KIAA1671: variants seen among roughly 807,000 people sequenced by gnomAD.
KIAA1671 encodes the protein KIAA1671.
KIAA1671 carries 52 observed loss-of-function variants against 131.2 expected under a neutral mutation model. That is an observed-to-expected ratio of 0.40 (90% CI 0.32 to 0.50). The LOEUF (loss-of-function observed/expected upper bound fraction) is 0.50. KIAA1671 is among the 20% of genes least tolerant of loss of function. KIAA1671 has a pLI of 0.73. For missense variants in KIAA1671, 2,360 were observed against 2,364.2 expected (o/e 1.00, Z 0.04); for synonymous variants, 1,003 against 961.6 (o/e 1.04, Z -0.80).
chr22:25,174,446 A>G lies in KIAA1671; in HGVS notation c.4856A>G (p.Asp1619Gly). The change falls in exon 8 of 13, where the codon GAC (aspartate) becomes GGC (glycine). Residue 1619 changes from aspartate to glycine, a missense_variant. Coordinates refer to ENST00000358431, the MANE Select transcript of KIAA1671 (RefSeq NM_001145206.2). The stretch of plus-strand genomic sequence containing the variant: ...GGGATGGAGGGGCCGCCTCCACCGG[A>G]CGCCTGCCCTGAAAAGAGAGTAGAT... The part of the protein sequence containing the change: ...TDGMEGPPPP[D>G]ACPEKRVDDF... 1 of 1,545,218 alleles carries G rather than the reference A, an allele frequency of 6.5e-7. No homozygotes were observed. The highest frequency in any genetic ancestry group is 1.4e-5 in the African/African-American group (1 of 73,012).
chr22:25,147,630 G>A lies in KIAA1671; in HGVS notation c.4531-23190G>A, dbSNP rs143203216. ...TGCTCAAATGTTACCTTTTCACAGGGACTTCCCCTGACAGCCAGCCCTATT... is the reference window on the plus strand; with the variant it reads ...TGCTCAAATGTTACCTTTTCACAGGAACTTCCCCTGACAGCCAGCCCTATT... On this transcript the variant is annotated intron_variant, in intron 6 of 12. Transcript: ENST00000358431. 4.6e-5 allele frequency among the ~76,000 whole-genome samples: 7 copies of A among 152,190 alleles called. No individual in the cohort carries two copies. The East Asian group carries it at 1.4e-3, about 30-fold the overall frequency.
intron 11 of KIAA1671, among the ~76,000 whole-genome samples, chr22:25,188,009 C>T (rs1020594827): frequency 2.0e-5 from 3 of 152,126 alleles, no homozygotes; most frequent in Admixed American, 6.6e-5. Flanking sequence ...CATTTAAAAA[C>T]GTTTGAACAG....
At chr22:25,187,980 C>A (rs1934533490) in intron 11 of KIAA1671, among the ~76,000 whole-genome samples, 1 of 152,072 alleles carries the variant, frequency 6.6e-6, no homozygotes, top group African/African-American at 2.4e-5. Flanking sequence ...ATTTGAGTAC[C>A]TTTCTGTATG....
At chr22:25,166,277 G>A (rs1933642216) in intron 6 of KIAA1671, among the ~76,000 whole-genome samples, 1 of 152,128 alleles carries the variant, frequency 6.6e-6, no homozygotes, top group South Asian at 2.1e-4. Flanking sequence ...AGGCGGTGGA[G>A]GGAGAAAACC....
At position 25,040,766 on chromosome 22, in the gene KIAA1671, G is replaced by T. The variant is rs902775529; in HGVS notation, c.3636G>T (p.Ser1212=). Residue 1212 remains serine, a synonymous_variant, in exon 5 of 13, where the codon TCG becomes TCT. Coordinates refer to ENST00000358431, the MANE Select transcript of KIAA1671 (RefSeq NM_001145206.2). ...TGATGGCAGAGTACCAGGAGCTGTC[G>T]CTGAAAGTCCCTGGGGAGGCTCAGG... ...DALMAEYQEL[S]LKVPGEAQER... is the part of the protein sequence containing the mutation. 5 of 1,551,696 alleles carry T rather than the reference G, an allele frequency of 3.2e-6. No homozygotes were observed. In the East Asian group the frequency reaches 7.3e-5, roughly 23 times the overall value.
At chr22:25,082,090 C>T (rs1398266970) in intron 6 of KIAA1671, among the ~76,000 whole-genome samples, 1 of 152,076 alleles carries the variant, frequency 6.6e-6, no homozygotes, top group Non-Finnish European at 1.5e-5. Flanking sequence ...ATGGATTTTC[C>T]AGAGCTGAAA....
rs376322823 is a variant in KIAA1671 at position 25,049,578 on chromosome 22, C to G, written c.4530+214C>G. The G allele has an allele frequency of 1.6e-3, 829 of 523,612 alleles. 5 individuals are homozygous for G. In the East Asian group the frequency reaches 0.018, roughly 11 times the overall value. 32.4% of individuals were successfully genotyped at this position (523,612 alleles called of 1,614,324 possible). On this transcript the variant is annotated intron_variant, in intron 6 of 12. Coordinates refer to ENST00000358431, the MANE Select transcript of KIAA1671 (RefSeq NM_001145206.2). ...GTGGCTCTGCTGGGGAAACCTTCTT[C>G]CTCTTGAGTTTCCAGCCCAGCACTG...
Position 24,976,420 on chromosome 22 carries a change from T to A in KIAA1671, c.-208+23648T>A, listed in dbSNP as rs144943692. Among the ~76,000 whole-genome samples the A allele has an allele frequency of 7.2e-5, 11 of 152,346 alleles. No individual in the cohort carries two copies. The East Asian group carries it at 2.1e-3, about 29-fold the overall frequency. On this transcript the variant is annotated intron_variant, in intron 1 of 12. Transcript: ENST00000358431. ...AGGATTTTGCTTCCCAGTTCCTGTT[T>A]CTTTCCATCTGAGATCCCTCTCTGC...
At chr22:25,059,664 A>C in intron 6 of KIAA1671, 1 of 152,324 alleles carries the variant, frequency 6.6e-6, no homozygotes, top group Non-Finnish European at 1.5e-5. Flanking sequence ...GGATCCTGAC[A>C]GGGGAGTAGT....
At chr22:25,152,000 A>C (rs950618033) in intron 6 of KIAA1671, among the ~76,000 whole-genome samples, 2 of 152,112 alleles carry the variant, frequency 1.3e-5, no homozygotes, top group African/African-American at 4.8e-5. Context: ...AAGCCTCCCA[A>C]TGACATGGAT....
Position 25,044,444 on chromosome 22 carries a change from A to G in KIAA1671, c.4395+2919A>G, listed in dbSNP as rs373526911. 1.8e-3 allele frequency among the ~76,000 whole-genome samples: 266 copies of G among 151,982 alleles called. 6 individuals are homozygous for G. In the South Asian group the frequency reaches 0.04, roughly 23 times the overall value. The stretch of plus-strand genomic sequence containing the variant: ...GCCCGCTGGTGGTGGGGGAGTCGGG[A>G]TGTTGTGGAGGGGGGATCCTGGGCT... On this transcript the variant is annotated intron_variant, in intron 5 of 12. Coordinates refer to ENST00000358431, the MANE Select transcript of KIAA1671 (RefSeq NM_001145206.2).
intron 1 of KIAA1671, among the ~76,000 whole-genome samples, chr22:24,990,649 A>T (rs1444081128): frequency 6.6e-6 from 1 of 152,214 alleles, no homozygotes; most frequent in Non-Finnish European, 1.5e-5. Flanking sequence ...GAGCGTCACC[A>T]TGTGGGACAC....
chr22:25,001,674 G>A (rs1237201724), intron 1 of KIAA1671, among the ~76,000 whole-genome samples: 7 of 152,038 alleles, frequency 4.6e-5, no homozygotes, highest in African/African-American at 1.7e-4. Flanking sequence ...AATCCTTTAG[G>A]GCACTTTCTA....
At chr22:24,954,108 A>G (rs1436063093) in intron 1 of KIAA1671, among the ~76,000 whole-genome samples, 1 of 151,876 alleles carries the variant, frequency 6.6e-6, no homozygotes, top group Non-Finnish European at 1.5e-5. Flanking sequence ...GATTCCAGAA[A>G]CCCTACTTGC....
chr22:25,120,274 C>T (rs892036541), intron 6 of KIAA1671, among the ~76,000 whole-genome samples: 21 of 152,202 alleles, frequency 1.4e-4, no homozygotes, highest in African/African-American at 4.3e-4. Context: ...TAAAGCCAGC[C>T]CCAAAGGCCA....
intron 6 of KIAA1671, among the ~76,000 whole-genome samples, chr22:25,139,224 G>T (rs1358770647): frequency 6.6e-6 from 1 of 151,658 alleles, no homozygotes; most frequent in Non-Finnish European, 1.5e-5. Flanking sequence ...TACATAGTAA[G>T]AAGGGGGAGC....
intron 1 of KIAA1671, among the ~76,000 whole-genome samples, chr22:24,978,232 A>G (rs1013252928): frequency 6.6e-6 from 1 of 152,024 alleles, no homozygotes; most frequent in Non-Finnish European, 1.5e-5. Context: ...GGTTTTCCCC[A>G]TGCTGTTCTT....
chr22:25,149,057 T>TA (rs1839497356), intron 6 of KIAA1671, among the ~76,000 whole-genome samples: 2 of 151,914 alleles, frequency 1.3e-5, no homozygotes, highest in Admixed American at 1.3e-4. Flanking sequence ...TTCTGACTCT[T>TA]ACGAGCACCG....
At chr22:24,982,624 C>T (rs1239740233) in intron 1 of KIAA1671, among the ~76,000 whole-genome samples, 2 of 152,186 alleles carry the variant, frequency 1.3e-5, no homozygotes, top group African/African-American at 4.8e-5. Flanking sequence ...CCTGTGGGTG[C>T]TGGGGTAACT....
Sources: gnomAD v4.1 joint callset for allele counts (sites outside exome capture counted in the v4.1 genomes callset) on GRCh38, gnomAD v4.1.1 for gene constraint, MANE v1.5 for transcripts, NCBI Gene and HGNC (gene_info 2026-07-23, HGNC 2026-07-21) for gene names.